KIAA2012: variants seen among roughly 807,000 people sequenced by gnomAD.
The protein encoded by KIAA2012 is uncharacterized protein KIAA2012.
Under a neutral mutation model 150.6 loss-of-function variants are expected in KIAA2012, and 125 were observed. The ratio of observed to expected loss-of-function variants is 0.83; its 90% confidence interval spans 0.72 to 0.96. The LOEUF (loss-of-function observed/expected upper bound fraction) is 0.96. Ranked by LOEUF, KIAA2012 falls within the 40% of genes least tolerant of loss-of-function variation. The pLI, the probability that KIAA2012 is intolerant of heterozygous loss-of-function variation, is 0.00. For synonymous variants in KIAA2012, 462 were observed against 504.7 expected (o/e 0.92, Z 1.13); for missense variants, 1,219 against 1,354.9 (o/e 0.90, Z 1.57).
chr2:202,102,203 C>T (rs1690060928), intron 7 of KIAA2012, among the ~76,000 whole-genome samples: 1 of 151,982 alleles, frequency 6.6e-6, no homozygotes, highest in Non-Finnish European at 1.5e-5. Context: ...CACACACACA[C>T]ACTTTTTGGG....
intron 7 of KIAA2012, among the ~76,000 whole-genome samples, chr2:202,101,452 G>A (rs1377664178): frequency 6.6e-6 from 1 of 152,206 alleles, no homozygotes; most frequent in Non-Finnish European, 1.5e-5. Flanking sequence ...CCCAAGGAAA[G>A]CCCTCGACTT....
chr2:202,165,423 A>G (rs1436402337), intron 15 of KIAA2012, 67 bp downstream of exon 15: 2 of 1,470,428 alleles, frequency 1.4e-6, no homozygotes, highest in Non-Finnish European at 1.9e-6. Context: ...TTGCACTGTT[A>G]AAAGATGTTA....
At position 202,090,747 on chromosome 2, in the gene KIAA2012, T is replaced by A. The variant is rs897654618; in HGVS notation, c.370-23T>A. On this transcript the variant is annotated intron_variant, in intron 2 of 23. Coordinates refer to ENST00000498697, the MANE Select transcript of KIAA2012 (RefSeq NM_001277372.4). ...GGCTCAGGGGTCAGCAGCTGTGCTG[T>A]TTCCTGACTGGTGTCCCCACAGGGA... 8 of 1,537,448 alleles carry A rather than the reference T, an allele frequency of 5.2e-6. No individual in the cohort carries two copies. The African/African-American group carries it at 1.1e-4, about 21-fold the overall frequency.
chr2:202,099,340 G>C (rs967034476), intron 5 of KIAA2012, among the ~76,000 whole-genome samples: 1 of 152,070 alleles, frequency 6.6e-6, no homozygotes, highest in Non-Finnish European at 1.5e-5. Flanking sequence ...ACTTCATTTT[G>C]ATTTTTAATC....
In KIAA2012 at chr2:202,104,451, G is replaced by A. The variant is rs541250321; in HGVS notation, c.1325-1310G>A. Among the ~76,000 whole-genome samples, 4 of 152,294 alleles carry A rather than the reference G, an allele frequency of 2.6e-5. No homozygotes were observed. The highest frequency in any genetic ancestry group is 3.9e-4 in the East Asian group (2 of 5,184). ...CACACCACACCATGCAGGGCCACACGGGGGCGCACCAGCCTCCAGGAGGCA... is the reference window on the plus strand; with the variant it reads ...CACACCACACCATGCAGGGCCACACAGGGGCGCACCAGCCTCCAGGAGGCA... On this transcript the variant is annotated intron_variant, in intron 8 of 23. Coordinates refer to ENST00000498697, the MANE Select transcript of KIAA2012 (RefSeq NM_001277372.4). This position sits in a 1 kb window ranked among gnomAD's most constrained non-coding sequence, Gnocchi z 4.3.
At chr2:202,117,850 G>A (rs1690565208) in intron 11 of KIAA2012, among the ~76,000 whole-genome samples, 1 of 152,222 alleles carries the variant, frequency 6.6e-6, no homozygotes, top group South Asian at 2.1e-4. Context: ...GGTTCTTCAG[G>A]ATGGGGATAT....
chr2:202,094,068 G>A (rs1689801445), intron 4 of KIAA2012, among the ~76,000 whole-genome samples: 1 of 152,204 alleles, frequency 6.6e-6, no homozygotes, highest in African/African-American at 2.4e-5. Flanking sequence ...GATTACTTGA[G>A]GCTAGGAGCT....
intron 10 of KIAA2012, among the ~76,000 whole-genome samples, chr2:202,110,820 C>T (rs1221582839): frequency 6.6e-6 from 1 of 152,164 alleles, no homozygotes; most frequent in East Asian, 1.9e-4. Context: ...ATTCTCTCCC[C>T]AGAGCATATA....
chr2:202,188,110 C>T (rs1487543820), intron 17 of KIAA2012, 42 bp from the exon 18 acceptor site: 1 of 1,463,654 alleles, frequency 6.8e-7, no homozygotes, highest in African/African-American at 1.4e-5. Context: ...TTTTCATTTC[C>T]TATACATATT....
chr2:202,177,742 C>T lies in KIAA2012; in HGVS notation c.2120-7011C>T, dbSNP rs551467185. On this transcript the variant is annotated intron_variant, in intron 15 of 23. Transcript: ENST00000498697. ...TTCATGAGGATGGAGCCCTCCATGA[C>T]CTAAACACTTTTTATTAAGCCCCAC... Among the ~76,000 whole-genome samples the T allele has an allele frequency of 2.0e-5, 3 of 152,270 alleles. No homozygotes were observed. The South Asian group carries it at 6.2e-4, about 32-fold the overall frequency.
chr2:202,113,195 C>G (rs1425847377), intron 10 of KIAA2012, 141 bp from the exon 11 acceptor site: 2 of 621,556 alleles, frequency 3.2e-6, no homozygotes, highest in African/African-American at 1.8e-5. Flanking sequence ...TAGGGCTCAC[C>G]CTATACTCTG....
chr2:202,139,272 A>G (rs1250319067), intron 13 of KIAA2012, among the ~76,000 whole-genome samples: 2 of 151,942 alleles, frequency 1.3e-5, no homozygotes, highest in Non-Finnish European at 2.9e-5. Context: ...TTAGTGGTTC[A>G]AGGACATATG....
At chr2:202,162,582 T>A (rs1691678863) in intron 14 of KIAA2012, among the ~76,000 whole-genome samples, 1 of 103,318 alleles carries the variant, frequency 9.7e-6, no homozygotes, top group Non-Finnish European at 2.0e-5. Flanking sequence ...GCCCAGAGTC[T>A]TTTTTTTTTT....
chr2:202,176,515 AAAGTTTGAAGTTTTCAAC>A (rs1470396695), intron 15 of KIAA2012, among the ~76,000 whole-genome samples: 1 of 152,200 alleles, frequency 6.6e-6, no homozygotes, highest in Non-Finnish European at 1.5e-5. Flanking sequence ...TGACTATATT[AAAGTTTGAAGTTTTCAAC>A]AAGACAACAT....
chr2:202,184,676 A>T, intron 15 of KIAA2012, 77 bp from the exon 16 acceptor site: 1 of 963,348 alleles, frequency 1.0e-6, no homozygotes, highest in Non-Finnish European at 1.5e-6. Flanking sequence ...CTCACCAGGT[A>T]GATGTTTTTC....
intron 4 of KIAA2012, 81 bp from the exon 5 acceptor site, chr2:202,097,354 A>C (rs1689912134): frequency 6.5e-7 from 1 of 1,529,262 alleles, no homozygotes. Context: ...CAGAGAAGCA[A>C]GAAGGGAGGC....
At chr2:202,082,612 A>AT (rs1689477227) in intron 2 of KIAA2012, among the ~76,000 whole-genome samples, 1 of 5,624 alleles carries the variant, frequency 1.8e-4, no homozygotes, top group Admixed American at 2.0e-3. Flanking sequence ...AAAAAAAAAG[A>AT]AGTTTTTAAT....
chr2:202,135,955 C>G (rs528547270), intron 12 of KIAA2012: 2 of 243,888 alleles, frequency 8.2e-6, no homozygotes, highest in East Asian at 2.3e-4. Flanking sequence ...AATGAAAATG[C>G]TTTCAGGGCC....
At chr2:202,184,651 GC>G in intron 15 of KIAA2012, 101 bp from the exon 16 acceptor site, 1 of 694,318 alleles carries the variant, frequency 1.4e-6, no homozygotes, top group Middle Eastern at 2.5e-4. Flanking sequence ...GTTCTAATTT[GC>G]ATGCCTTTGG....
Sources: gnomAD v4.1 joint callset for allele counts (sites outside exome capture counted in the v4.1 genomes callset) on GRCh38, gnomAD v4.1.1 for gene constraint, Gnocchi (gnomAD v3.1) non-coding constraint, MANE v1.5 for transcripts, NCBI Gene and HGNC (gene_info 2026-07-23, HGNC 2026-07-21) for gene names.